The following TRIP11 variants were observed in gnomAD, a reference collection of about 807,000 sequenced individuals.
TRIP11 encodes the protein thyroid hormone receptor interactor 11.
TRIP11 carries 148 observed loss-of-function variants against 223.1 expected under a neutral mutation model. That is an observed-to-expected ratio of 0.66 (90% CI 0.58 to 0.76). The LOEUF is 0.76. TRIP11 is among the 30% of genes least tolerant of loss of function. The pLI is 0.00. For synonymous variants in TRIP11, 762 were observed against 772.6 expected, an observed-to-expected ratio of 0.99 and a Z score of 0.23; for missense variants, 2,043 against 2,222.0, an observed-to-expected ratio of 0.92 and a Z score of 1.62.
chr14:91,999,733 T>C (rs1293216186), intron 12 of TRIP11, among the ~76,000 whole-genome samples: 2 of 152,182 alleles, frequency 1.3e-5, no homozygotes, highest in South Asian at 2.1e-4. Flanking sequence ...CTCATTTTTT[T>C]CACACTTTAT....
chr14:91,971,209 GA>G (rs1168008967), intron 20 of TRIP11, among the ~76,000 whole-genome samples: 3 of 152,056 alleles, frequency 2.0e-5, no homozygotes, highest in Non-Finnish European at 4.4e-5. Context: ...TCAGCAATGG[GA>G]AACTCAAATA....
chr14:92,003,844 C>T lies in TRIP11; in HGVS notation c.4132G>A (p.Ala1378Thr). 6.2e-7 allele frequency: 1 copy of T among 1,614,058 alleles called. No individual in the cohort carries two copies. Reference protein sequence around the residue: ...ENNHRLSDSIAATSELERKEH... With the variant: ...ENNHRLSDSITATSELERKEH... The stretch of plus-strand genomic sequence containing the variant: ...TTTCTTTCTAGCTCTGAGGTGGCAG[C>T]AATCGAATCAGACAATCTGTGGTTA... Residue 1378 changes from alanine to threonine, a missense_variant, in exon 11 of 21, where the codon GCT becomes ACT. Physicochemically the swap from Ala to Thr is moderately conservative, Grantham distance 58 (BLOSUM62 0). Coordinates refer to ENST00000267622, the MANE Select transcript of TRIP11 (RefSeq NM_004239.4).
At chr14:92,033,336 A>C in intron 1 of TRIP11, 83 bp from the exon 2 acceptor site, 1 of 1,093,036 alleles carries the variant, frequency 9.1e-7, no homozygotes, top group South Asian at 1.3e-5. Flanking sequence ...AATATATTTC[A>C]CTGAGTTTAC....
Position 92,037,355 on chromosome 14 carries a change from G to A in TRIP11, c.139+2192C>T, listed in dbSNP as rs1352534918. 6.6e-6 allele frequency among the ~76,000 whole-genome samples: 1 copy of A among 152,210 alleles called. No individual in the cohort carries two copies. The highest frequency in any genetic ancestry group is 1.9e-4 in the East Asian group (1 of 5,198). The stretch of plus-strand genomic sequence containing the variant: ...CATTCAACTCAACAACTCAACCTGT[G>A]TGGGAGTCAGAATGGTTCACCAAGT... On this transcript the variant is annotated intron_variant, in intron 1 of 20. Coordinates refer to ENST00000267622, the MANE Select transcript of TRIP11 (RefSeq NM_004239.4). The surrounding 1 kb of genome is among the most constrained non-coding windows in gnomAD (Gnocchi z 4.2).
chr14:91,991,649 C>T (rs2056673894), intron 15 of TRIP11, among the ~76,000 whole-genome samples: 1 of 152,130 alleles, frequency 6.6e-6, no homozygotes, highest in Non-Finnish European at 1.5e-5. Context: ...TAGAAGATAT[C>T]TGAAATACCC....
rs982429053 is a variant in TRIP11 at position 91,978,494 on chromosome 14, A to T, written c.5261-2305T>A. 5.3e-5 allele frequency among the ~76,000 whole-genome samples: 8 copies of T among 152,142 alleles called. No individual in the cohort carries two copies. The highest frequency in any genetic ancestry group is 7.3e-5 in the Non-Finnish European group (5 of 68,032). Reference sequence around the variant, plus strand: ...TAATAATTTGGTTATACTGGGTTATATATAAAATATATATGTGTGTATATA... The same window carrying T: ...TAATAATTTGGTTATACTGGGTTATTTATAAAATATATATGTGTGTATATA... On this transcript the variant is annotated intron_variant, in intron 16 of 20. Coordinates refer to ENST00000267622, the MANE Select transcript of TRIP11 (RefSeq NM_004239.4). This position sits in a 1 kb window ranked among gnomAD's most constrained non-coding sequence, Gnocchi z 4.4.
In TRIP11 at chr14:92,021,821, C is replaced by T. The variant is rs753047013; in HGVS notation, c.323G>A (p.Ser108Asn). Residue 108 changes from serine to asparagine, a missense_variant, in exon 4 of 21, where the codon AGC becomes AAC. Coordinates refer to ENST00000267622, the MANE Select transcript of TRIP11 (RefSeq NM_004239.4). The stretch of plus-strand genomic sequence containing the variant: ...TGCAATCTGTCTGGCTTTAAGATGG[C>T]TGATTTCTACCTATATATTTATAAT... ...NQLQQKEVEI[S>N]HLKARQIALQ... 3 of 1,613,608 alleles carry T rather than the reference C, an allele frequency of 1.9e-6. No individual in the cohort carries two copies. In the South Asian group the frequency reaches 3.3e-5, roughly 18 times the overall value.
At chr14:92,033,718 T>C (rs1167341770) in intron 1 of TRIP11, among the ~76,000 whole-genome samples, 1 of 151,790 alleles carries the variant, frequency 6.6e-6, no homozygotes, top group Non-Finnish European at 1.5e-5. Flanking sequence ...GAGAGGGGTG[T>C]TCGGCTGAGT....
intron 2 of TRIP11, among the ~76,000 whole-genome samples, chr14:92,032,738 C>T (rs1397844388): frequency 6.7e-6 from 1 of 149,618 alleles, no homozygotes; most frequent in African/African-American, 2.5e-5. Context: ...GGGGCTGAGG[C>T]AGAAGAATTG....
intron 20 of TRIP11, among the ~76,000 whole-genome samples, chr14:91,970,705 G>T (rs1170656716): frequency 6.6e-6 from 1 of 152,124 alleles, no homozygotes; most frequent in African/African-American, 2.4e-5. Flanking sequence ...GAAAGAAAAG[G>T]CAAGAGAAGA....
intron 16 of TRIP11, among the ~76,000 whole-genome samples, chr14:91,981,971 T>A (rs1595370147): frequency 6.6e-6 from 1 of 151,962 alleles, no homozygotes; most frequent in South Asian, 2.1e-4. Flanking sequence ...AATAAGATCC[T>A]GCCTCTTAAA....
chr14:92,000,103 C>T lies in TRIP11; in HGVS notation c.4563G>A (p.Lys1521=). The change falls in exon 12 of 21, where the codon AAG becomes AAA. Residue 1521 remains lysine (K), a synonymous_variant. Transcript: ENST00000267622. ...TTAAAAGCTGATTTAACTCTCCAGTCTTGCCCTTTTGGAAAGAAAAAATTT... is the reference window on the plus strand; with the variant it reads ...TTAAAAGCTGATTTAACTCTCCAGTTTTGCCCTTTTGGAAAGAAAAAATTT... The part of the protein sequence containing the change: ...EQLLKEKEQG[K]TGELNQLLNA... The T allele has an allele frequency of 6.2e-7, 1 of 1,613,886 alleles. No individual in the cohort carries two copies.
chr14:92,012,342 A>T (rs1014823261), intron 7 of TRIP11, among the ~76,000 whole-genome samples: 23 of 152,232 alleles, frequency 1.5e-4, no homozygotes, highest in African/African-American at 5.3e-4. Context: ...TTGATTCAAC[A>T]TTCACTCAGG....
At chr14:92,008,954 C>T (rs1267153369) in intron 9 of TRIP11, among the ~76,000 whole-genome samples, 3 of 152,150 alleles carry the variant, frequency 2.0e-5, no homozygotes, top group African/African-American at 7.2e-5. Flanking sequence ...ATAAAAGAAA[C>T]TCAACATTGC....
At chr14:92,029,630 AAGAAAAC>A (rs370676940) in intron 2 of TRIP11, among the ~76,000 whole-genome samples, 18,151 of 152,120 alleles carry the variant, frequency 0.12, 1,159 homozygotes, top group African/African-American at 0.17. Context: ...ATCTTTTTAA[AAGAAAAC>A]AGCTGTCTAC....
In TRIP11 at chr14:91,995,728, G is replaced by A. The variant is rs143500485; in HGVS notation, c.4893-213C>T. ...CCTCCTAGGTTCCAGCGATTCTCCT[G>A]CCTCAGCCTCCTGAGTAGCTGGGGT... is the stretch of plus-strand genomic sequence containing the variant. On this transcript the variant is annotated intron_variant, in intron 13 of 20. Transcript: ENST00000267622. Among the ~76,000 whole-genome samples the A allele has an allele frequency of 0.019, 2,813 of 151,436 alleles. 54 individuals are homozygous for A. The highest frequency in any genetic ancestry group is 0.083 in the South Asian group (397 of 4,798).
chr14:92,019,308 G>A (rs568560332), intron 4 of TRIP11, among the ~76,000 whole-genome samples: 3 of 152,170 alleles, frequency 2.0e-5, no homozygotes, highest in Non-Finnish European at 4.4e-5. Flanking sequence ...AGAATCACCA[G>A]GGCTATTTGT....
chr14:91,974,784 A>C, intron 18 of TRIP11, 41 bp from the exon 19 acceptor site: 1 of 1,432,954 alleles, frequency 7.0e-7, no homozygotes, highest in Non-Finnish European at 9.6e-7. Flanking sequence ...TATCAGTACA[A>C]GAAAAAAAAA....
Position 91,972,782 on chromosome 14 carries a change from T to A in TRIP11, c.5654A>T (p.Asp1885Val). The A allele has an allele frequency of 1.2e-6, 2 of 1,613,448 alleles. No individual in the cohort carries two copies. Among genetic ancestry groups the A allele is most frequent in the Non-Finnish European group, 1.7e-6 (2 of 1,179,704 alleles). The change falls in exon 20 of 21, where the codon GAT becomes GTT. Residue 1885 changes from aspartate (D) to valine (V), a missense_variant. Asp to Val is a radical substitution (Grantham distance 152). Transcript: ENST00000267622. ...SIPPPKLSVH[D>V]MKPLDSPGRR... ...TCCTGGTGAATCCAGAGGTTTCATA[T>A]CATGAACAGAAAGCTTTGGTGGTGG...
Sources: allele counts gnomAD v4.1 joint callset (sites outside exome capture counted in the v4.1 genomes callset), GRCh38; gene constraint gnomAD v4.1.1; non-coding constraint Gnocchi (gnomAD v3.1); transcripts MANE v1.5; gene names NCBI Gene and HGNC (gene_info 2026-07-23, HGNC 2026-07-21).